The following DPP6 variants were observed in gnomAD, a reference collection of about 807,000 sequenced individuals.
The protein encoded by DPP6 is A-type potassium channel modulatory protein DPP6.
In DPP6, 69 loss-of-function variants were observed where a neutral mutation model predicts 122.6. That is an observed-to-expected ratio of 0.56 (90% confidence interval 0.46 to 0.69). DPP6 has a LOEUF of 0.69. DPP6 is among the 30% of genes least tolerant of loss of function. The pLI is 0.00. For synonymous variants in DPP6, 418 were observed against 433.1 expected (o/e 0.97, Z 0.43); for missense variants, 928 against 1,116.9 (o/e 0.83, Z 2.41).
At chr7:154,767,094 T>C (rs1464838470) in intron 8 of DPP6, among the ~76,000 whole-genome samples, 9 of 152,194 alleles carry the variant, frequency 5.9e-5, no homozygotes, top group African/African-American at 2.2e-4. Context: ...TTTGTTTCTG[T>C]CCAAAGCTGC....
At chr7:154,681,432 A>C (rs183729909) in intron 7 of DPP6, among the ~76,000 whole-genome samples, 2 of 152,358 alleles carry the variant, frequency 1.3e-5, no homozygotes, top group Non-Finnish European at 2.9e-5. Context: ...TCTTGAGAGA[A>C]TATAACAAGG....
intron 1 of DPP6, among the ~76,000 whole-genome samples, chr7:153,931,156 C>T (rs1057068279): frequency 1.3e-5 from 2 of 152,168 alleles, no homozygotes; most frequent in African/African-American, 4.8e-5. Flanking sequence ...GTACTTGCAG[C>T]TTTCCCATAG....
chr7:153,809,631 T>A, the DPP6 span, among the ~76,000 whole-genome samples: 1 of 152,064 alleles, frequency 6.6e-6, no homozygotes, highest in Non-Finnish European at 1.5e-5. Flanking sequence ...CTCAGGAAAT[T>A]GTAGTTCCTA....
intron 3 of DPP6, among the ~76,000 whole-genome samples, chr7:154,532,386 G>GA (rs1050481782): frequency 2.0e-5 from 3 of 151,260 alleles, no homozygotes; most frequent in East Asian, 3.9e-4. Flanking sequence ...AACTAGAAAG[G>GA]AAAAAAAATA....
chr7:154,734,466 C>T (rs1402748114), intron 8 of DPP6, among the ~76,000 whole-genome samples: 2 of 152,142 alleles, frequency 1.3e-5, no homozygotes, highest in Non-Finnish European at 2.9e-5. Context: ...TTTTTACACC[C>T]GTCATACATC....
chr7:154,621,516 ATG>A (rs1563022186), intron 5 of DPP6, among the ~76,000 whole-genome samples: 1 of 151,788 alleles, frequency 6.6e-6, no homozygotes, highest in African/African-American at 2.4e-5. Context: ...TTACAGGCTC[ATG>A]CCACCACACC....
chr7:153,773,328 A>ATT, the DPP6 span, among the ~76,000 whole-genome samples: 3,083 of 68,292 alleles, frequency 0.045, 76 homozygotes, highest in Admixed American at 0.077. Context: ...ATATATATAT[A>ATT]TATTTTTTTT....
At chr7:154,633,684 G>T (rs4960649) in intron 5 of DPP6, among the ~76,000 whole-genome samples, 82,326 of 152,158 alleles carry the variant, frequency 0.54, 23,069 homozygotes, top group African/African-American at 0.7. Flanking sequence ...AAATGAAAAC[G>T]CTTCAATTTG....
intron 3 of DPP6, among the ~76,000 whole-genome samples, chr7:154,536,529 T>C (rs2130190028): frequency 6.6e-6 from 1 of 152,284 alleles, no homozygotes; most frequent in East Asian, 1.9e-4. Context: ...GAATGAAATC[T>C]CAATCAGTTT....
At chr7:154,227,892 A>T (rs1041990966) in intron 1 of DPP6, among the ~76,000 whole-genome samples, 3 of 152,222 alleles carry the variant, frequency 2.0e-5, no homozygotes, top group African/African-American at 7.2e-5. Context: ...TTATCCTATG[A>T]TTCAGAGCTC....
intron 1 of DPP6, among the ~76,000 whole-genome samples, chr7:154,232,643 A>G (rs1302304637): frequency 6.6e-6 from 1 of 152,230 alleles, no homozygotes; most frequent in African/African-American, 2.4e-5. Context: ...GACCCTTTGC[A>G]GCAGGTCTCC....
intron 1 of DPP6, among the ~76,000 whole-genome samples, chr7:154,270,474 C>T (rs1475219867): frequency 6.6e-6 from 1 of 152,066 alleles, no homozygotes; most frequent in Non-Finnish European, 1.5e-5. Context: ...TCGTAAGGGT[C>T]TGAGAAACCA....
chr7:154,881,919 G>C (rs1465987948), intron 21 of DPP6, among the ~76,000 whole-genome samples: 1 of 152,196 alleles, frequency 6.6e-6, no homozygotes, highest in Non-Finnish European at 1.5e-5. Context: ...TGTGAGGCCC[G>C]AAGCCACTGG....
chr7:154,733,778 G>A (rs756933830), intron 8 of DPP6, among the ~76,000 whole-genome samples: 4 of 152,118 alleles, frequency 2.6e-5, no homozygotes, highest in African/African-American at 4.8e-5. Context: ...TTCCACAGGG[G>A]GCACATTCAC....
At chr7:153,842,061 T>G in the DPP6 span, among the ~76,000 whole-genome samples, 1 of 152,174 alleles carries the variant, frequency 6.6e-6, no homozygotes, top group South Asian at 2.1e-4. Flanking sequence ...ATTGTGAAAA[T>G]GTACATAGAT....
intron 1 of DPP6, among the ~76,000 whole-genome samples, chr7:154,364,267 A>G (rs1257801286): frequency 6.6e-6 from 1 of 152,198 alleles, no homozygotes; most frequent in Non-Finnish European, 1.5e-5. Flanking sequence ...ACTCACATGG[A>G]TGATGTCACC....
At chr7:153,788,796 T>G in the DPP6 span, among the ~76,000 whole-genome samples, 1 of 152,064 alleles carries the variant, frequency 6.6e-6, no homozygotes, top group South Asian at 2.1e-4. Context: ...AAACCCTGTC[T>G]CTACTAAAAA....
intron 2 of DPP6, among the ~76,000 whole-genome samples, chr7:154,461,516 A>G (rs1050802343): frequency 6.6e-6 from 1 of 152,036 alleles, no homozygotes; most frequent in African/African-American, 2.4e-5. Flanking sequence ...TCTGCATATC[A>G]TTGTCAGCAT....
chr7:154,176,334 C>G (rs965520184), intron 1 of DPP6, among the ~76,000 whole-genome samples: 1 of 152,042 alleles, frequency 6.6e-6, no homozygotes, highest in African/African-American at 2.4e-5. Context: ...TGGTGAGCGC[C>G]CAGGCAGTAC....
Sources: gnomAD v4.1 joint callset for allele counts (sites outside exome capture counted in the v4.1 genomes callset) on GRCh38, gnomAD v4.1.1 for gene constraint, MANE v1.5 for transcripts, NCBI Gene and HGNC (gene_info 2026-07-23, HGNC 2026-07-21) for gene names.